Variants in MINDY4 observed in about 807,000 individuals in gnomAD.
MINDY4 encodes MINDY lysine 48 deubiquitinase 4.
MINDY4 carries 68 observed loss-of-function variants against 87.0 expected under a neutral mutation model. The ratio of observed to expected loss-of-function variants is 0.78; its 90% CI spans 0.64 to 0.96. The LOEUF is 0.96. MINDY4 is among the 40% of genes least tolerant of loss of function. The pLI, the probability that MINDY4 is intolerant of heterozygous loss-of-function variation, is 0.00. For missense variants in MINDY4, 919 were observed against 928.2 expected, an observed-to-expected ratio of 0.99 and a Z score of 0.13; for synonymous variants, 379 against 363.2, an observed-to-expected ratio of 1.04 and a Z score of -0.50.
intron 12 of MINDY4, 163 bp from the exon 13 acceptor site, chr7:30,859,094 C>A: frequency 1.4e-6 from 1 of 726,488 alleles, no homozygotes; most frequent in South Asian, 1.5e-5. Context: ...ATGTCCCATC[C>A]TTTAGGAGGT....
At chr7:30,866,891 TTC>T (rs1789952822) in intron 13 of MINDY4, among the ~76,000 whole-genome samples, 1 of 152,106 alleles carries the variant, frequency 6.6e-6, no homozygotes, top group South Asian at 2.1e-4. Flanking sequence ...GTCCCTCTTT[TTC>T]CGTCCTGCGG....
At chr7:30,833,508 A>G (rs548462421) in intron 6 of MINDY4, among the ~76,000 whole-genome samples, 1 of 152,346 alleles carries the variant, frequency 6.6e-6, no homozygotes, top group East Asian at 1.9e-4. Context: ...TATGGGAGCT[A>G]CAAGATGAGA....
At chr7:30,878,769 C>G (rs910516378) in intron 15 of MINDY4, among the ~76,000 whole-genome samples, 1 of 151,832 alleles carries the variant, frequency 6.6e-6, no homozygotes, top group Non-Finnish European at 1.5e-5. Flanking sequence ...CTGAAAGCTC[C>G]ATCCTCCTCC....
At chr7:30,835,354 C>T (rs1334942185) in intron 6 of MINDY4, among the ~76,000 whole-genome samples, 2 of 152,162 alleles carry the variant, frequency 1.3e-5, no homozygotes, top group African/African-American at 2.4e-5. Context: ...ATCATGAGAA[C>T]GGCACAGGAA....
chr7:30,888,171 TG>T (rs1562568285), intron 17 of MINDY4, among the ~76,000 whole-genome samples: 1 of 152,138 alleles, frequency 6.6e-6, no homozygotes, highest in Admixed American at 6.5e-5. Flanking sequence ...GTGATGCCTC[TG>T]GGGGGACAGG....
intron 5 of MINDY4, among the ~76,000 whole-genome samples, chr7:30,793,707 T>G (rs539916820): frequency 6.6e-6 from 1 of 152,164 alleles, no homozygotes; most frequent in African/African-American, 2.4e-5. Flanking sequence ...TAATACATGG[T>G]GGGGAGGGGC....
intron 13 of MINDY4, among the ~76,000 whole-genome samples, chr7:30,871,587 A>G (rs1373140776): frequency 6.6e-6 from 1 of 152,206 alleles, no homozygotes. Context: ...TCTTCAGCAA[A>G]GTAGGTTTTC....
In MINDY4 at chr7:30,859,248, C is replaced by T. The variant is rs1325273318; in HGVS notation, c.1678-9C>T. ...TGGGATGGAGCTCATTTTTCTCTCC[C>T]CCTCCCAGTTTGAAGTGGGCCCCTA... On this transcript the variant is annotated splice_polypyrimidine_tract_variant and intron_variant, in intron 12 of 17. Coordinates refer to ENST00000265299, the MANE Select transcript of MINDY4 (RefSeq NM_032222.3). The T allele has an allele frequency of 1.9e-6, 3 of 1,613,686 alleles. No homozygotes were observed. Among genetic ancestry groups the T allele is most frequent in the Non-Finnish European group, 2.5e-6 (3 of 1,179,720 alleles).
At chr7:30,863,314 C>A (rs1268960226) in intron 13 of MINDY4, among the ~76,000 whole-genome samples, 1 of 152,180 alleles carries the variant, frequency 6.6e-6, no homozygotes, top group Non-Finnish European at 1.5e-5. Flanking sequence ...CCAGCCAGTT[C>A]TTTACAAATA....
chr7:30,829,122 T>A (rs1788617052), intron 6 of MINDY4, among the ~76,000 whole-genome samples: 1 of 152,198 alleles, frequency 6.6e-6, no homozygotes, highest in Admixed American at 6.5e-5. Context: ...TTTTAAAAGT[T>A]TATCAGTGTA....
At chr7:30,802,058 A>C (rs1009651704) in intron 5 of MINDY4, among the ~76,000 whole-genome samples, 1 of 152,038 alleles carries the variant, frequency 6.6e-6, no homozygotes, top group Non-Finnish European at 1.5e-5. Context: ...CTCTGAGATA[A>C]TATTTGGGAG....
chr7:30,795,845 G>A (rs1419730147), intron 5 of MINDY4, among the ~76,000 whole-genome samples: 1 of 152,148 alleles, frequency 6.6e-6, no homozygotes. Flanking sequence ...GCTGAATCCT[G>A]CTCAGGCTGC....
intron 13 of MINDY4, among the ~76,000 whole-genome samples, chr7:30,865,205 C>A (rs1194181258): frequency 2.6e-5 from 4 of 152,206 alleles, no homozygotes; most frequent in Admixed American, 6.5e-5. Context: ...GAATCTTCCC[C>A]CAGGTCACAT....
At chr7:30,825,221 C>T (rs190140763) in intron 5 of MINDY4, among the ~76,000 whole-genome samples, 1 of 152,294 alleles carries the variant, frequency 6.6e-6, no homozygotes, top group African/African-American at 2.4e-5. Flanking sequence ...ACCTTTTAAA[C>T]TTTGTAAAGC....
At chr7:30,881,096 T>C (rs1009229824) in intron 15 of MINDY4, among the ~76,000 whole-genome samples, 1 of 152,164 alleles carries the variant, frequency 6.6e-6, no homozygotes, top group Non-Finnish European at 1.5e-5. Context: ...AACATCTCCC[T>C]GGGGCTGGTA....
At chr7:30,845,376 G>A (rs1053756496) in intron 9 of MINDY4, among the ~76,000 whole-genome samples, 1 of 152,008 alleles carries the variant, frequency 6.6e-6, no homozygotes, top group Non-Finnish European at 1.5e-5. Flanking sequence ...TCAGCTCCTC[G>A]GTTTCATTGA....
chr7:30,875,697 A>T (rs1554285459), intron 15 of MINDY4, 41 bp downstream of exon 15: 3 of 1,565,942 alleles, frequency 1.9e-6, no homozygotes, highest in Non-Finnish European at 1.7e-6. Flanking sequence ...GGGGAGCCTG[A>T]CTCTCTGGAG....
intron 5 of MINDY4, among the ~76,000 whole-genome samples, chr7:30,797,435 G>T (rs1787522724): frequency 6.6e-6 from 1 of 152,232 alleles, no homozygotes; most frequent in Non-Finnish European, 1.5e-5. Flanking sequence ...ACCAGAGAGG[G>T]TTACACTTGA....
At chr7:30,828,781 A>C (rs1333680702) in intron 6 of MINDY4, 44 bp downstream of exon 6, 1 of 1,598,658 alleles carries the variant, frequency 6.3e-7, no homozygotes, top group African/African-American at 1.3e-5. Context: ...TCAGGGCCCA[A>C]GGGGTCCTCG....
Sources: gnomAD v4.1 joint callset for allele counts (sites outside exome capture counted in the v4.1 genomes callset) on GRCh38, gnomAD v4.1.1 for gene constraint, MANE v1.5 for transcripts, NCBI Gene and HGNC (gene_info 2026-07-23, HGNC 2026-07-21) for gene names.